SLCO1A2: variants seen among roughly 807,000 people sequenced by gnomAD.
SLCO1A2 encodes the protein OATP-1.
A neutral mutation model predicts 69.0 loss-of-function variants in SLCO1A2; 67 were observed. That is an observed-to-expected ratio of 0.97 (90% CI 0.80 to 1.19). The LOEUF (loss-of-function observed/expected upper bound fraction) is 1.19, where lower values mean the gene tolerates loss of function less well. Ranked by LOEUF, SLCO1A2 falls within the 50% of genes most tolerant of loss-of-function variation. SLCO1A2 has a pLI of 0.00. For missense variants in SLCO1A2, 787 were observed against 793.7 expected, an observed-to-expected ratio of 0.99 and a Z score of 0.10; for synonymous variants, 260 against 265.9, an observed-to-expected ratio of 0.98 and a Z score of 0.22.
chr12:21,274,765 A>AAGAT lies in SLCO1A2; in HGVS notation c.1676-183_1676-180dup, dbSNP rs111616817. ...TACTGTAAAGTTTCTAAATTATTAAAAGATAAGTAATCTTATGGTCAAATG... is the reference window on the plus strand; with the variant it reads ...TACTGTAAAGTTTCTAAATTATTAAAAGATAGATAAGTAATCTTATGGTCAAATG... On this transcript the variant is annotated intron_variant, in intron 13 of 14. Coordinates refer to ENST00000683939, the MANE Select transcript of SLCO1A2 (RefSeq NM_001386879.1). The AAGAT allele has an allele frequency of 2.0e-3, 1,390 of 689,978 alleles. 11 individuals carry two copies. The highest frequency in any genetic ancestry group is 0.016 in the African/African-American group (874 of 55,796). 42.7% of individuals were successfully genotyped at this position (689,978 alleles called of 1,614,324 possible).
chr12:21,306,880 A>G lies in SLCO1A2; in HGVS notation c.442+2T>C. ...AAAAATCAATACAATGAAGTAGACA[A>G]CCTGATGGATCCTGCGTTGGTCTTA... On this transcript the variant is annotated splice_donor_variant, in intron 5 of 14. Transcript: ENST00000683939. LOFTEE classifies it high-confidence loss of function. 6.2e-7 allele frequency: 1 copy of G among 1,609,182 alleles called. No individual in the cohort carries two copies. Among genetic ancestry groups the G allele is most frequent in the Non-Finnish European group, 8.5e-7 (1 of 1,175,814 alleles).
chr12:21,367,998 T>C (rs144323888), intron 2 of SLCO1A2, among the ~76,000 whole-genome samples: 28 of 152,252 alleles, frequency 1.8e-4, no homozygotes, highest in African/African-American at 6.0e-4. Flanking sequence ...CTAGCACTAT[T>C]TTTCAACCCC....
In SLCO1A2 at chr12:21,300,422, G is replaced by A. The variant is rs369610371; in HGVS notation, c.836C>T (p.Ala279Val). 8.3e-4 allele frequency: 1,334 copies of A among 1,613,112 alleles called. 24 individuals are homozygous for A. The South Asian group carries it at 0.014, about 16-fold the overall frequency. ...TTCATTTTCATTTTTAATGATGTCA[G>A]CATTAGTCTCTAGTCCTTCCTTTGG... ...TLPKEGLETN[A>V]DIIKNENEDK... The change falls in exon 8 of 15, where the codon GCT becomes GTT. Residue 279 changes from alanine to valine, a missense_variant. Physicochemically the swap from Ala to Val is moderately conservative, Grantham distance 64 (BLOSUM62 0). Transcript: ENST00000683939.
At chr12:21,356,689 C>A (rs1407347954) in intron 2 of SLCO1A2, among the ~76,000 whole-genome samples, 1 of 152,068 alleles carries the variant, frequency 6.6e-6, no homozygotes, top group Non-Finnish European at 1.5e-5. Flanking sequence ...AAAACAACTT[C>A]ATGAAGCAGA....
chr12:21,414,928 C>A (rs1287355075), intron 1 of SLCO1A2, among the ~76,000 whole-genome samples: 2 of 151,904 alleles, frequency 1.3e-5, no homozygotes, highest in African/African-American at 4.8e-5. Flanking sequence ...TTATTTTGTA[C>A]CTTAAAGTCT....
At chr12:21,326,845 A>G (rs1681207033) in intron 2 of SLCO1A2, among the ~76,000 whole-genome samples, 1 of 152,196 alleles carries the variant, frequency 6.6e-6, no homozygotes. Flanking sequence ...GAAGCAAAGC[A>G]TGAAAGTTAG....
rs201481055 is a variant in SLCO1A2 at position 21,318,899 on chromosome 12, C to T, written c.85G>A (p.Ala29Thr). The part of the protein sequence containing the change: ...LKMFLLAITC[A>T]FVSKTLSGSY... The stretch of plus-strand genomic sequence containing the variant: ...CCAGACAGTGTTTTGGATACAAATG[C>T]ACATGTTATTGCCAACAGAAACATC... Residue 29 changes from alanine (A) to threonine (T), a missense_variant, in exon 3 of 15, where the codon GCA becomes ACA. By Grantham distance (58) the Ala-to-Thr change is moderately conservative. Transcript: ENST00000683939. The T allele has an allele frequency of 3.8e-6, 6 of 1,592,878 alleles. No individual in the cohort carries two copies. Among genetic ancestry groups the T allele is most frequent in the Non-Finnish European group, 3.4e-6 (4 of 1,173,590 alleles).
chr12:21,329,508 T>G (rs1003417821), intron 2 of SLCO1A2, among the ~76,000 whole-genome samples: 2 of 151,964 alleles, frequency 1.3e-5, no homozygotes, highest in Non-Finnish European at 2.9e-5. Context: ...TTTGCTTTTT[T>G]TTTTTTTATT....
At chr12:21,310,903 G>A (rs944229180) in intron 4 of SLCO1A2, among the ~76,000 whole-genome samples, 4 of 152,136 alleles carry the variant, frequency 2.6e-5, no homozygotes, top group Non-Finnish European at 4.4e-5. Context: ...GCGCCCAGCC[G>A]CACATAATGC....
At chr12:21,412,349 C>A (rs1201436341) in intron 1 of SLCO1A2, among the ~76,000 whole-genome samples, 1 of 151,676 alleles carries the variant, frequency 6.6e-6, no homozygotes, top group Non-Finnish European at 1.5e-5. Context: ...CCACTACACT[C>A]CAGCCTGGTG....
At chr12:21,292,697 G>C (rs1307791773) in intron 11 of SLCO1A2, among the ~76,000 whole-genome samples, 1 of 152,026 alleles carries the variant, frequency 6.6e-6, no homozygotes. Flanking sequence ...CCAGGTTCAA[G>C]TGATTCTCCT....
rs1947321365 is a variant in SLCO1A2 at position 21,293,976 on chromosome 12, C to T, written c.1406G>A (p.Cys469Tyr). ...LSYLSACLAG[C>Y]ETSIGTGINM... ...TATTCCCGTTCCAATGGATGTCTCA[C>T]AACCAGCAAGACAAGCTGACAGATA... Residue 469 changes from cysteine (C) to tyrosine (Y), a missense_variant, in exon 11 of 15, where the codon TGT (cysteine) becomes TAT (tyrosine). Cys to Tyr is a radical substitution (Grantham distance 194, BLOSUM62 -2). Coordinates refer to ENST00000683939, the MANE Select transcript of SLCO1A2 (RefSeq NM_001386879.1). The T allele has an allele frequency of 1.2e-6, 2 of 1,611,376 alleles. No individual in the cohort carries two copies. The highest frequency in any genetic ancestry group is 1.7e-6 in the Non-Finnish European group (2 of 1,178,924).
intron 14 of SLCO1A2, chr12:21,274,208 C>T (rs1439934456): frequency 8.8e-6 from 3 of 341,948 alleles, no homozygotes; most frequent in Non-Finnish European, 1.6e-5. Flanking sequence ...GTGTTGACTG[C>T]TAAGAATTTA....
At chr12:21,334,925 C>T (rs1952830214), upstream of SLCO1A2, 1 of 316,514 alleles carries the variant, frequency 3.2e-6, no homozygotes, top group Non-Finnish European at 5.7e-6. Flanking sequence ...TTTAGTGACT[C>T]TTTAGTGAGA....
At chr12:21,351,428 C>T (rs1326675380) in intron 2 of SLCO1A2, among the ~76,000 whole-genome samples, 4 of 152,078 alleles carry the variant, frequency 2.6e-5, no homozygotes, top group African/African-American at 7.2e-5. Context: ...GAGCATCATA[C>T]ATTTGGTGCC....
At chr12:21,386,756 A>G (rs1482648538) in intron 1 of SLCO1A2, among the ~76,000 whole-genome samples, 2 of 152,074 alleles carry the variant, frequency 1.3e-5, no homozygotes, top group Admixed American at 1.3e-4. Context: ...ACTGCTGTAA[A>G]TATACCTAAA....
chr12:21,418,506 C>G (rs575339970), upstream of SLCO1A2, among the ~76,000 whole-genome samples: 1 of 152,134 alleles, frequency 6.6e-6, no homozygotes, highest in East Asian at 1.9e-4. Flanking sequence ...GCTAGGGAGG[C>G]CTCATAATCA....
intron 8 of SLCO1A2, among the ~76,000 whole-genome samples, chr12:21,299,492 A>G (rs1444663639): frequency 6.6e-6 from 1 of 151,438 alleles, no homozygotes; most frequent in East Asian, 1.9e-4. Context: ...TCTTCCTTGG[A>G]GAACTGCTTC....
rs1203274402 is a variant in SLCO1A2, at chr12:21,268,337, G to A, written c.*1211C>T. 1 of 152,032 alleles carries A rather than the reference G, an allele frequency of 6.6e-6. No individual in the cohort carries two copies. Among genetic ancestry groups the A allele is most frequent in the Admixed American group, 6.6e-5 (1 of 15,220 alleles). The allele number at this position is 152,032 out of a possible 1,614,324, so 9.4% of individuals were successfully genotyped here. On this transcript the variant is annotated 3_prime_UTR_variant, in exon 15 of 15. Transcript: ENST00000683939. ...TATAGTACACATAAATAACCATAGT[G>A]TATTGACACCCACTTCTCCCACCCT...
Sources: allele counts gnomAD v4.1 joint callset (sites outside exome capture counted in the v4.1 genomes callset), GRCh38; gene constraint gnomAD v4.1.1; transcripts MANE v1.5; gene names NCBI Gene and HGNC (gene_info 2026-07-23, HGNC 2026-07-21).